The following CSMD1 variants were observed in gnomAD, a reference collection of about 807,000 sequenced individuals.
CSMD1 encodes the protein CUB and sushi domain-containing protein 1.
Under a neutral mutation model 417.5 loss-of-function variants are expected in CSMD1, and 213 were observed. The observed-to-expected ratio is 0.51, with a 90% CI of 0.46 to 0.57. CSMD1 has a LOEUF of 0.57. Among genes scored for constraint, CSMD1 ranks in the 20% least tolerant of loss-of-function variants. The probability of loss-of-function intolerance (pLI) is 0.00; values close to 1 mark genes in which losing one functional copy is unlikely to be tolerated. For synonymous variants in CSMD1, 2,862 were observed against 1,736.8 expected, an observed-to-expected ratio of 1.65 and a Z score of -16.11; for missense variants, 6,923 against 4,529.7, an observed-to-expected ratio of 1.53 and a Z score of -15.17.
chr8:3,599,157 G>GTCTC (rs1563187205), intron 8 of CSMD1, among the ~76,000 whole-genome samples: 10 of 136,134 alleles, frequency 7.3e-5, no homozygotes, highest in Admixed American at 1.5e-4. Flanking sequence ...GTGTCTGTGT[G>GTCTC]TGTGTCTGTG....
intron 5 of CSMD1, among the ~76,000 whole-genome samples, chr8:3,848,649 A>G (rs1257676180): frequency 1.3e-5 from 2 of 152,174 alleles, no homozygotes; most frequent in Non-Finnish European, 1.5e-5. Context: ...ATTTAATTTT[A>G]AAGCCAGATT....
intron 5 of CSMD1, among the ~76,000 whole-genome samples, chr8:3,809,687 C>A (rs1351451557): frequency 6.6e-6 from 1 of 152,110 alleles, no homozygotes. Flanking sequence ...AATCTGGGAA[C>A]CACACTTCCA....
At chr8:4,312,625 C>T (rs990317499) in intron 3 of CSMD1, among the ~76,000 whole-genome samples, 1 of 144,688 alleles carries the variant, frequency 6.9e-6, no homozygotes, top group Non-Finnish European at 1.5e-5. Flanking sequence ...GCCTGTAATC[C>T]CAACACTTTG....
chr8:4,314,610 C>G (rs990056964), intron 3 of CSMD1, among the ~76,000 whole-genome samples: 1 of 141,340 alleles, frequency 7.1e-6, no homozygotes, highest in East Asian at 1.9e-4. Context: ...TTTTCACACA[C>G]ACACACACAC....
intron 45 of CSMD1, 38 bp from the exon 46 acceptor site, chr8:3,106,679 T>A: frequency 7.6e-7 from 1 of 1,321,484 alleles, no homozygotes; most frequent in Non-Finnish European, 1.1e-6. Context: ...AAATTGTGTG[T>A]GACCTTCTGA....
intron 5 of CSMD1, among the ~76,000 whole-genome samples, chr8:3,903,255 G>A (rs1807883070): frequency 6.6e-6 from 1 of 151,944 alleles, no homozygotes; most frequent in Non-Finnish European, 1.5e-5. Context: ...GCCATGTCGG[G>A]TCAGAACTGG....
chr8:3,939,100 G>A (rs1425727830), intron 5 of CSMD1, among the ~76,000 whole-genome samples: 2 of 152,124 alleles, frequency 1.3e-5, no homozygotes, highest in African/African-American at 2.4e-5. Flanking sequence ...TGCATAAATT[G>A]TTGAGAGTTT....
chr8:3,947,038 A>G (rs1467930113), intron 5 of CSMD1, among the ~76,000 whole-genome samples: 2 of 152,262 alleles, frequency 1.3e-5, no homozygotes, highest in East Asian at 3.9e-4. Context: ...TTTCTTGTTC[A>G]TGGCACTTGC....
At chr8:3,776,196 C>G (rs1386133033) in intron 5 of CSMD1, among the ~76,000 whole-genome samples, 2 of 152,210 alleles carry the variant, frequency 1.3e-5, no homozygotes, top group East Asian at 1.9e-4. Flanking sequence ...GTCTGACCAT[C>G]TCAGCACCGG....
intron 11 of CSMD1, among the ~76,000 whole-genome samples, chr8:3,483,169 C>G (rs146530248): frequency 6.6e-6 from 1 of 151,700 alleles, no homozygotes; most frequent in African/African-American, 2.4e-5. Context: ...GAAAAAATAA[C>G]GAAACAAATA....
At chr8:3,847,409 G>A (rs1195337412) in intron 5 of CSMD1, among the ~76,000 whole-genome samples, 1 of 152,148 alleles carries the variant, frequency 6.6e-6, no homozygotes, top group Non-Finnish European at 1.5e-5. Context: ...CCCAGTGTGG[G>A]GAGGGACAGT....
intron 3 of CSMD1, among the ~76,000 whole-genome samples, chr8:4,119,758 T>C (rs145422140): frequency 1.3e-5 from 2 of 152,304 alleles, no homozygotes; most frequent in African/African-American, 2.4e-5. Flanking sequence ...TGAACATCCA[T>C]GGCATTTTGC....
At chr8:4,380,696 T>TA (rs1347993701) in intron 3 of CSMD1, among the ~76,000 whole-genome samples, 1 of 152,216 alleles carries the variant, frequency 6.6e-6, no homozygotes, top group Non-Finnish European at 1.5e-5. Flanking sequence ...AAGACATTAA[T>TA]AACAGAGGAT....
chr8:4,682,955 C>CATATAT (rs10566841), intron 1 of CSMD1, among the ~76,000 whole-genome samples: 1,616 of 118,210 alleles, frequency 0.014, 20 homozygotes, highest in African/African-American at 0.02. Context: ...TAAGTATCTT[C>CATATAT]ATATATATAT....
chr8:4,073,932 T>G (rs968171131), intron 3 of CSMD1, among the ~76,000 whole-genome samples: 5 of 152,138 alleles, frequency 3.3e-5, no homozygotes, highest in African/African-American at 1.2e-4. Context: ...TACAGACGGT[T>G]TTTGACGGTT....
intron 3 of CSMD1, among the ~76,000 whole-genome samples, chr8:4,050,217 T>A (rs1018995588): frequency 3.3e-5 from 5 of 152,080 alleles, no homozygotes; most frequent in African/African-American, 1.2e-4. Flanking sequence ...AGGGTCGTGT[T>A]TGTCAGTTTC....
chr8:4,078,171 G>C (rs1173679131), intron 3 of CSMD1, among the ~76,000 whole-genome samples: 1 of 152,000 alleles, frequency 6.6e-6, no homozygotes, highest in African/African-American at 2.4e-5. Flanking sequence ...TGGCAATTCA[G>C]TTTGCTATTT....
chr8:4,133,799 G>A (rs149390818), intron 3 of CSMD1, among the ~76,000 whole-genome samples: 64 of 152,184 alleles, frequency 4.2e-4, no homozygotes, highest in South Asian at 2.3e-3. Flanking sequence ...CTATAGCCAT[G>A]CCACTCTGAC....
intron 3 of CSMD1, among the ~76,000 whole-genome samples, chr8:4,301,533 G>T (rs139994018): frequency 6.6e-6 from 1 of 152,128 alleles, no homozygotes; most frequent in Non-Finnish European, 1.5e-5. Context: ...AAGCTGATCT[G>T]GGTGCAATGT....
Sources: gnomAD v4.1 joint callset for allele counts (sites outside exome capture counted in the v4.1 genomes callset) on GRCh38, gnomAD v4.1.1 for gene constraint, MANE v1.5 for transcripts, NCBI Gene and HGNC (gene_info 2026-07-23, HGNC 2026-07-21) for gene names.